ANO4: variants seen among roughly 807,000 people sequenced by gnomAD.
ANO4 encodes anoctamin 4.
A neutral mutation model predicts 141.9 loss-of-function variants in ANO4; 69 were observed. That is an observed-to-expected ratio of 0.49 (90% CI 0.40 to 0.59). ANO4 has a LOEUF of 0.59. ANO4 is among the 20% of genes least tolerant of loss of function. The pLI is 0.00. For synonymous variants in ANO4, 350 were observed against 394.3 expected (o/e 0.89, Z 1.33); for missense variants, 894 against 1,162.2 (o/e 0.77, Z 3.36).
Position 100,746,453 on chromosome 12 carries a change from T to TAAAAAAAAAAAAAAAAA in ANO4, c.358+6353_358+6354insAAAAAAAAAAAAAAAAA, listed in dbSNP as rs58996492. ...GAGCAACAAAGTGAGACTCTGTTAT[T>TAAAAAAAAAAAAAAAAA]AAAAAGAATGATCTTGAATCTAGAA... On this transcript the variant is annotated intron_variant, in intron 3 of 29. Transcript: ENST00000644049. 1.0e-3 allele frequency among the ~76,000 whole-genome samples: 151 copies of TAAAAAAAAAAAAAAAAA among 146,862 alleles called. 1 individual carries two copies. The highest frequency in any genetic ancestry group is 3.6e-3 in the Middle Eastern group (1 of 278).
In ANO4 at chr12:100,923,184, C is replaced by T. The variant is rs115022230; in HGVS notation, c.160+854C>T. On this transcript the variant is annotated intron_variant, in intron 3 of 27. Transcript: ENST00000392977. ...TAAGTTCTAGGGTACGTGTGAACAA[C>T]GTACAGGTTTGATACATAGGTATAC... Among the ~76,000 whole-genome samples the T allele has an allele frequency of 9.9e-4, 150 of 152,070 alleles. 1 individual carries two copies. The highest frequency in any genetic ancestry group is 3.4e-3 in the African/African-American group (142 of 41,456).
At position 100,769,858 on chromosome 12, in the gene ANO4, T is replaced by C. The variant is rs114856400; in HGVS notation, c.358+29753T>C. Among the ~76,000 whole-genome samples, 772 of 152,362 alleles carry C rather than the reference T, an allele frequency of 5.1e-3. 7 individuals are homozygous for C. The highest frequency in any genetic ancestry group is 0.018 in the African/African-American group (736 of 41,574). On this transcript the variant is annotated intron_variant, in intron 3 of 29. Coordinates refer to the ANO4 transcript ENST00000644049. Reference sequence around the variant, plus strand: ...AAAATTATAATAGTTGGTTATAAGATATTTGCTTAACACATATTTCCAGTA... The same window carrying C: ...AAAATTATAATAGTTGGTTATAAGACATTTGCTTAACACATATTTCCAGTA...
chr12:100,783,346 T>C (rs2033766097), intron 3 of ANO4, among the ~76,000 whole-genome samples: 1 of 152,198 alleles, frequency 6.6e-6, no homozygotes, highest in Non-Finnish European at 1.5e-5. Context: ...AAATATCTTG[T>C]TTCCATCCTT....
chr12:101,127,054 AC>A lies in ANO4; in HGVS notation c.2853del (p.His951GlnfsTer32). On this transcript the variant is annotated frameshift_variant, in exon 27 of 28. Transcript: ENST00000392977. LOFTEE classifies it high-confidence loss of function. ...AGGAAGAAGAATGGAAAAGCACACC[AC>A]AACGAGTGGCCGTGACCATGTAGGT... ...KERKKNGKAH[H>X]NEWP 1 of 1,613,424 alleles carries A rather than the reference AC, an allele frequency of 6.2e-7. No individual in the cohort carries two copies. The highest frequency in any genetic ancestry group is 8.5e-7 in the Non-Finnish European group (1 of 1,179,668).
At chr12:100,897,939 A>G (rs945306495) in intron 1 of ANO4, among the ~76,000 whole-genome samples, 2 of 152,222 alleles carry the variant, frequency 1.3e-5, no homozygotes, top group African/African-American at 4.8e-5. Flanking sequence ...TTAAGTTACT[A>G]TTCAGAACCA....
At chr12:100,875,511 A>G (rs2039255850) in intron 1 of ANO4, among the ~76,000 whole-genome samples, 2 of 152,184 alleles carry the variant, frequency 1.3e-5, no homozygotes, top group African/African-American at 4.8e-5. Context: ...ATGATGATAA[A>G]CTTTTAAAAA....
chr12:101,074,340 G>A (rs760626988), intron 14 of ANO4, among the ~76,000 whole-genome samples: 1 of 152,114 alleles, frequency 6.6e-6, no homozygotes, highest in Non-Finnish European at 1.5e-5. Flanking sequence ...TCACTTTCAC[G>A]GTCTCACTGG....
intron 5 of ANO4, among the ~76,000 whole-genome samples, chr12:100,943,091 C>T (rs2042582787): frequency 6.6e-6 from 1 of 152,158 alleles, no homozygotes; most frequent in Non-Finnish European, 1.5e-5. Context: ...CTTCCCCTTC[C>T]TTCCTTCTCT....
rs890919613 is a variant in ANO4, at chr12:100,847,511, A to C, written c.-141+52484A>C. On this transcript the variant is annotated intron_variant, in intron 1 of 27. Transcript: ENST00000392977. Reference sequence around the variant, plus strand: ...TTTTGAGGTGGAGTCTCACTCTGTCACTCAGGCTGGAGCGCAGTGGTGCAA... The same window carrying C: ...TTTTGAGGTGGAGTCTCACTCTGTCCCTCAGGCTGGAGCGCAGTGGTGCAA... Among the ~76,000 whole-genome samples, 29 of 134,004 alleles carry C rather than the reference A, an allele frequency of 2.2e-4. No individual in the cohort carries two copies. In the Admixed American group the frequency reaches 2.2e-3, roughly 10 times the overall value. 87.9% of individuals were successfully genotyped at this position (134,004 alleles called of 152,430 possible). A position where few individuals can be genotyped will look rare whatever the true frequency, so the allele number is the denominator to read the frequency against.
chr12:100,867,483 C>T (rs963596463), intron 1 of ANO4, among the ~76,000 whole-genome samples: 6 of 152,106 alleles, frequency 3.9e-5, no homozygotes, highest in Non-Finnish European at 1.5e-5. Context: ...CTTCATTATT[C>T]AGTCCCTTTG....
chr12:101,053,508 G>T (rs1314796977), intron 14 of ANO4, among the ~76,000 whole-genome samples: 1 of 152,200 alleles, frequency 6.6e-6, no homozygotes, highest in Non-Finnish European at 1.5e-5. Context: ...GGAAGGATCT[G>T]TTCCATGCCA....
At chr12:101,088,715 C>A (rs1159413008) in intron 17 of ANO4, among the ~76,000 whole-genome samples, 1 of 151,952 alleles carries the variant, frequency 6.6e-6, no homozygotes, top group East Asian at 1.9e-4. Flanking sequence ...AATCCCAGCA[C>A]CCCATCTCTA....
chr12:100,960,952 A>C (rs890677513), intron 5 of ANO4, among the ~76,000 whole-genome samples: 2 of 152,228 alleles, frequency 1.3e-5, no homozygotes, highest in African/African-American at 2.4e-5. Context: ...CAGAACTGAC[A>C]TTGCTTACTT....
intron 5 of ANO4, among the ~76,000 whole-genome samples, chr12:100,967,552 C>T (rs1184374463): frequency 7.2e-6 from 1 of 138,930 alleles, no homozygotes; most frequent in Admixed American, 7.9e-5. Context: ...CTATATTTTC[C>T]CTTAAGTATG....
chr12:100,823,812 A>C (rs999149974), intron 1 of ANO4, among the ~76,000 whole-genome samples: 2 of 152,142 alleles, frequency 1.3e-5, no homozygotes, highest in African/African-American at 4.8e-5. Context: ...CTGCAATAAA[A>C]TCTATTTGGA....
upstream of ANO4, among the ~76,000 whole-genome samples, chr12:100,790,831 T>A (rs2034023144): frequency 6.6e-6 from 1 of 152,200 alleles, no homozygotes; most frequent in Non-Finnish European, 1.5e-5. Context: ...TGGTTGTTGC[T>A]ATTTGCAAAC....
intron 17 of ANO4, 101 bp downstream of exon 17, chr12:101,086,925 C>A: frequency 1.5e-6 from 2 of 1,361,560 alleles, no homozygotes; most frequent in Non-Finnish European, 1.0e-6. Flanking sequence ...GAGAGGTGGG[C>A]CATTCACATA....
At chr12:100,809,085 G>T (rs970351353) in intron 1 of ANO4, among the ~76,000 whole-genome samples, 1 of 152,140 alleles carries the variant, frequency 6.6e-6, no homozygotes, top group Non-Finnish European at 1.5e-5. Flanking sequence ...GAGATGGAAT[G>T]AAATGATGAA....
chr12:101,032,746 T>C (rs1399039855), intron 9 of ANO4, among the ~76,000 whole-genome samples: 38 of 151,272 alleles, frequency 2.5e-4, no homozygotes, highest in Non-Finnish European at 4.6e-4. Context: ...ATCAGAGAAA[T>C]GCAAATCAAA....
Sources: allele counts gnomAD v4.1 joint callset (sites outside exome capture counted in the v4.1 genomes callset), GRCh38; gene constraint gnomAD v4.1.1; transcripts MANE v1.5; gene names NCBI Gene and HGNC (gene_info 2026-07-23, HGNC 2026-07-21).